SHC3: variants seen among roughly 807,000 people sequenced by gnomAD.
SHC3 encodes the protein SHC adaptor protein 3.
SHC3 carries 15 observed loss-of-function variants against 60.4 expected under a neutral mutation model. The observed-to-expected ratio is 0.25, with a 90% CI of 0.17 to 0.38. The LOEUF (loss-of-function observed/expected upper bound fraction) is 0.38, where lower values mean the gene tolerates loss of function less well. Among genes scored for constraint, SHC3 ranks in the 10% least tolerant of loss-of-function variants. SHC3 has a pLI of 1.00. For synonymous variants in SHC3, 294 were observed against 325.9 expected (o/e 0.90, Z 1.05); for missense variants, 677 against 786.1 (o/e 0.86, Z 1.66).
chr9:89,047,355 T>G (rs1824791216), intron 7 of SHC3, among the ~76,000 whole-genome samples: 1 of 152,190 alleles, frequency 6.6e-6, no homozygotes, highest in Non-Finnish European at 1.5e-5. Flanking sequence ...GGAAATTTAG[T>G]GATATGAGGG....
chr9:89,095,311 A>G (rs750829338), intron 2 of SHC3, among the ~76,000 whole-genome samples: 3 of 152,232 alleles, frequency 2.0e-5, no homozygotes, highest in Non-Finnish European at 4.4e-5. Flanking sequence ...TACAAGATGG[A>G]TAAACCTTGA....
intron 2 of SHC3, among the ~76,000 whole-genome samples, chr9:89,089,628 A>T (rs1259628466): frequency 6.6e-6 from 1 of 152,256 alleles, no homozygotes; most frequent in East Asian, 1.9e-4. Flanking sequence ...ATTAAAGGAA[A>T]TAAACTCAGA....
intron 2 of SHC3, among the ~76,000 whole-genome samples, chr9:89,080,732 AG>A (rs1564126943): frequency 4.9e-4 from 31 of 63,224 alleles, no homozygotes; most frequent in African/African-American, 2.0e-3. Context: ...AAAACTAGGA[AG>A]AATATATATA....
intron 1 of SHC3, among the ~76,000 whole-genome samples, chr9:89,119,126 AG>A (rs1264325662): frequency 6.6e-6 from 1 of 152,180 alleles, no homozygotes; most frequent in Non-Finnish European, 1.5e-5. Flanking sequence ...GAGTAGTTCT[AG>A]GTAACAGTAA....
intron 4 of SHC3, 44 bp downstream of exon 4, chr9:89,075,064 AC>A (rs1178449081): frequency 6.2e-7 from 1 of 1,603,164 alleles, no homozygotes; most frequent in Non-Finnish European, 8.5e-7. Context: ...AACACTCATC[AC>A]CTGGGGCTGT....
intron 1 of SHC3, among the ~76,000 whole-genome samples, chr9:89,118,315 G>C (rs1413555225): frequency 2.6e-5 from 4 of 151,324 alleles, no homozygotes; most frequent in African/African-American, 9.7e-5. Context: ...CACAAAACTG[G>C]ATTATGAAAG....
chr9:89,072,698 T>C (rs1449646482), intron 4 of SHC3, among the ~76,000 whole-genome samples: 1 of 152,168 alleles, frequency 6.6e-6, no homozygotes, highest in African/African-American at 2.4e-5. Flanking sequence ...TGTAATGACA[T>C]TGAAGTAAAT....
At chr9:89,116,308 G>T (rs902855933) in intron 1 of SHC3, among the ~76,000 whole-genome samples, 1 of 152,174 alleles carries the variant, frequency 6.6e-6, no homozygotes, top group African/African-American at 2.4e-5. Flanking sequence ...GCAGAGTTAT[G>T]TGAACACCAT....
chr9:89,050,211 A>T (rs897215358), intron 7 of SHC3, among the ~76,000 whole-genome samples: 1 of 152,088 alleles, frequency 6.6e-6, no homozygotes, highest in African/African-American at 2.4e-5. Context: ...AATGCAACCC[A>T]TTTACCCACA....
chr9:89,176,496 T>C (rs984299876), intron 1 of SHC3, among the ~76,000 whole-genome samples: 2 of 152,256 alleles, frequency 1.3e-5, no homozygotes, highest in Non-Finnish European at 2.9e-5. Flanking sequence ...ATTTGTCTAT[T>C]TGAAATGTAG....
intron 1 of SHC3, among the ~76,000 whole-genome samples, chr9:89,144,508 G>A (rs1826440018): frequency 6.6e-6 from 1 of 152,146 alleles, no homozygotes; most frequent in Non-Finnish European, 1.5e-5. Flanking sequence ...GTGGAATTCT[G>A]AGCTTCAGGT....
chr9:89,091,843 A>AT (rs1459689623), intron 2 of SHC3, among the ~76,000 whole-genome samples: 3 of 152,190 alleles, frequency 2.0e-5, no homozygotes, highest in East Asian at 1.9e-4. Flanking sequence ...TCTAATAAAC[A>AT]TTTTTTAAAT....
chr9:89,042,692 A>G (rs1227775755), intron 9 of SHC3, among the ~76,000 whole-genome samples: 1 of 152,216 alleles, frequency 6.6e-6, no homozygotes, highest in Non-Finnish European at 1.5e-5. Context: ...CTTATAAAAT[A>G]GGGCTGCAGT....
intron 11 of SHC3, among the ~76,000 whole-genome samples, chr9:89,023,383 G>A (rs1270256749): frequency 6.6e-6 from 1 of 152,192 alleles, no homozygotes; most frequent in Non-Finnish European, 1.5e-5. Context: ...CAGAAAGGCT[G>A]GGTTTATTTA....
At chr9:89,026,956 G>A (rs530096942) in intron 11 of SHC3, among the ~76,000 whole-genome samples, 3 of 152,284 alleles carry the variant, frequency 2.0e-5, no homozygotes, top group African/African-American at 7.2e-5. Context: ...CCGAGCTACT[G>A]AGAAGCCCCT....
intron 1 of SHC3, among the ~76,000 whole-genome samples, chr9:89,156,443 G>T (rs1050289951): frequency 6.6e-6 from 1 of 152,032 alleles, no homozygotes; most frequent in African/African-American, 2.4e-5. Flanking sequence ...AACAGAGCAG[G>T]AACCCCTCTT....
chr9:89,109,792 T>G (rs2118105739), intron 2 of SHC3: 2 of 985,468 alleles, frequency 2.0e-6, no homozygotes, highest in Middle Eastern at 5.2e-4. Flanking sequence ...TTGTTCAGAC[T>G]CAAAGCCATG....
chr9:89,161,327 T>C (rs1488237831), intron 1 of SHC3, among the ~76,000 whole-genome samples: 2 of 152,148 alleles, frequency 1.3e-5, no homozygotes, highest in East Asian at 1.9e-4. Flanking sequence ...CTCTCTCTCT[T>C]GCTCCCGCTT....
At chr9:89,043,390 G>A (rs762769246) in intron 9 of SHC3, among the ~76,000 whole-genome samples, 2 of 152,212 alleles carry the variant, frequency 1.3e-5, no homozygotes, top group South Asian at 2.1e-4. Flanking sequence ...GCTATTTGCA[G>A]TTTACACCTT....
Sources: gnomAD v4.1 joint callset for allele counts (sites outside exome capture counted in the v4.1 genomes callset) on GRCh38, gnomAD v4.1.1 for gene constraint, MANE v1.5 for transcripts, NCBI Gene and HGNC (gene_info 2026-07-23, HGNC 2026-07-21) for gene names.